PPARA: variants seen among roughly 807,000 people sequenced by gnomAD.
PPARA encodes the protein peroxisome proliferator activated receptor alpha, also known as peroxisome proliferator-activated receptor alpha.
PPARA carries 22 observed loss-of-function variants against 42.2 expected under a neutral mutation model. The observed-to-expected ratio is 0.52, with a 90% CI of 0.37 to 0.74. PPARA has a LOEUF of 0.74. Among genes scored for constraint, PPARA ranks in the 30% least tolerant of loss-of-function variants. The pLI, the probability that PPARA is intolerant of heterozygous loss-of-function variation, is 0.00. For synonymous variants in PPARA, 242 were observed against 239.3 expected (o/e 1.01, Z -0.10); for missense variants, 465 against 608.2 (o/e 0.76, Z 2.48).
In PPARA at chr22:46,221,438, C is replaced by G. The variant is rs1934994237; in HGVS notation, c.711+1424C>G. Among the ~76,000 whole-genome samples, 1 of 152,232 alleles carries G rather than the reference C, an allele frequency of 6.6e-6. No homozygotes were observed. The highest frequency in any genetic ancestry group is 2.1e-4 in the South Asian group (1 of 4,834). The stretch of plus-strand genomic sequence containing the variant: ...TCTCCTAAAACTACTCCCTCCCTCT[C>G]AGACAAACATGCCTACATTCTTTTT... On this transcript the variant is annotated intron_variant, in intron 7 of 8. Transcript: ENST00000407236. This position sits in a 1 kb window ranked among gnomAD's most constrained non-coding sequence, Gnocchi z 5.9.
At chr22:46,228,497 C>T (rs1369314378) in intron 7 of PPARA, among the ~76,000 whole-genome samples, 1 of 152,154 alleles carries the variant, frequency 6.6e-6, no homozygotes, top group Non-Finnish European at 1.5e-5. Flanking sequence ...GATCACGCCA[C>T]TGCACTCCAG....
In PPARA at chr22:46,231,217, C is replaced by T. The variant is rs1935841543; in HGVS notation, c.712-575C>T. ...GGTTACAGGCACACACTATGCCTGG[C>T]TAATTTTTTTTTTTTTTTTGAGACG... On this transcript the variant is annotated intron_variant, in intron 7 of 8. Transcript: ENST00000407236. The surrounding 1 kb of genome is among the most constrained non-coding windows in gnomAD (Gnocchi z 7.7). 6.9e-6 allele frequency among the ~76,000 whole-genome samples: 1 copy of T among 144,656 alleles called. No homozygotes were observed. Among genetic ancestry groups the T allele is most frequent in the South Asian group, 2.2e-4 (1 of 4,590 alleles). 94.9% of individuals were successfully genotyped at this position (144,656 alleles called of 152,430 possible).
chr22:46,208,889 G>C (rs998428235), intron 4 of PPARA, among the ~76,000 whole-genome samples: 2 of 150,926 alleles, frequency 1.3e-5, no homozygotes, highest in Non-Finnish European at 2.9e-5. Context: ...TTTTAAGGCT[G>C]AATAGTATTC....
At chr22:46,217,670 A>G (rs1195445866) in intron 5 of PPARA, among the ~76,000 whole-genome samples, 6 of 152,250 alleles carry the variant, frequency 3.9e-5, no homozygotes, top group Non-Finnish European at 8.8e-5. Flanking sequence ...TTGGAAAACT[A>G]TAATTGTGTT....
At chr22:46,205,260 A>C (rs1388208138) in intron 4 of PPARA, among the ~76,000 whole-genome samples, 1 of 151,506 alleles carries the variant, frequency 6.6e-6, no homozygotes, top group Non-Finnish European at 1.5e-5. Flanking sequence ...CCCTGAGCCC[A>C]GGCTGGAGTT....
In PPARA at chr22:46,182,066, G is replaced by C. The variant is rs902851128; in HGVS notation, c.-43+5230G>C. Among the ~76,000 whole-genome samples the C allele has an allele frequency of 6.6e-6, 1 of 152,158 alleles. No individual in the cohort carries two copies. The highest frequency in any genetic ancestry group is 1.5e-5 in the Non-Finnish European group (1 of 68,024). On this transcript the variant is annotated intron_variant, in intron 3 of 8. Coordinates refer to ENST00000407236, the MANE Select transcript of PPARA (RefSeq NM_005036.6). This position sits in a 1 kb window ranked among gnomAD's most constrained non-coding sequence, Gnocchi z 5.2. ...TTGCCACATTGGCCAGGCTGGTCTTGAACTCCTGACCTCAGACAGTCTGCC... is the reference window on the plus strand; with the variant it reads ...TTGCCACATTGGCCAGGCTGGTCTTCAACTCCTGACCTCAGACAGTCTGCC...
At chr22:46,172,340 AC>A (rs1254351793) in intron 2 of PPARA, among the ~76,000 whole-genome samples, 3 of 148,378 alleles carry the variant, frequency 2.0e-5, no homozygotes, top group African/African-American at 2.5e-5. Context: ...AAAAAAAAAA[AC>A]AGCATTGGGC....
At position 46,204,353 on chromosome 22, in the gene PPARA, T is replaced by C. The variant is rs1351186357; in HGVS notation, c.208+5762T>C. Among the ~76,000 whole-genome samples, 1 of 152,258 alleles carries C rather than the reference T, an allele frequency of 6.6e-6. No individual in the cohort carries two copies. The highest frequency in any genetic ancestry group is 1.5e-5 in the Non-Finnish European group (1 of 68,050). On this transcript the variant is annotated intron_variant, in intron 4 of 8. Transcript: ENST00000407236. The surrounding 1 kb of genome is among the most constrained non-coding windows in gnomAD (Gnocchi z 5.2). The stretch of plus-strand genomic sequence containing the variant: ...ACCCTCTGCTTTCATTTCTTTTGAA[T>C]AAATACCTAGGAGTATGACGGCTGG...
At position 46,200,836 on chromosome 22, in the gene PPARA, A is replaced by G. The variant is rs142237213; in HGVS notation, c.208+2245A>G. ...TACTCAGGAGGCTGAGGCAGGGAGAATTGCTTGAACCCAGGAGGCAGAGGT... is the reference window on the plus strand; with the variant it reads ...TACTCAGGAGGCTGAGGCAGGGAGAGTTGCTTGAACCCAGGAGGCAGAGGT... On this transcript the variant is annotated intron_variant, in intron 4 of 8. Coordinates refer to ENST00000407236, the MANE Select transcript of PPARA (RefSeq NM_005036.6). This position sits in a 1 kb window ranked among gnomAD's most constrained non-coding sequence, Gnocchi z 4.8. 6.6e-6 allele frequency among the ~76,000 whole-genome samples: 1 copy of G among 152,038 alleles called. No homozygotes were observed. The highest frequency in any genetic ancestry group is 1.5e-5 in the Non-Finnish European group (1 of 67,990).
rs60894989 is a variant in PPARA at position 46,217,819 on chromosome 22, C to CTTTTTTTTTTTTTTT, written c.370-429_370-415dup. ...GACTTCTTAGAAGAACTATTTCTTT[C>CTTTTTTTTTTTTTTT]TTTTTTTTTTTTTTTTTTTTTTTTT... On this transcript the variant is annotated intron_variant, in intron 5 of 8. Transcript: ENST00000407236. 3.4e-4 allele frequency among the ~76,000 whole-genome samples: 26 copies of CTTTTTTTTTTTTTTT among 77,056 alleles called. 5 individuals carry two copies. The highest frequency in any genetic ancestry group is 1.5e-3 in the African/African-American group (24 of 16,190). 50.6% of individuals were successfully genotyped at this position (77,056 alleles called of 152,430 possible). A position where few individuals can be genotyped will look rare whatever the true frequency, so the allele number is the denominator to read the frequency against.
Position 46,239,150 on chromosome 22 carries a change from G to A in PPARA, c.*3770G>A, listed in dbSNP as rs1569260574. On this transcript the variant is annotated 3_prime_UTR_variant, in exon 9 of 9. Coordinates refer to ENST00000407236, the MANE Select transcript of PPARA (RefSeq NM_005036.6). ...TGTTTCGCATTTAGAGAGCAGACAA[G>A]GCACCCTTCTGCTGCGCTGATACGT... 1 of 152,110 alleles carries A rather than the reference G, an allele frequency of 6.6e-6. No individual in the cohort carries two copies. Among genetic ancestry groups the A allele is most frequent in the African/African-American group, 2.4e-5 (1 of 41,406 alleles). The allele number at this position is 152,110 out of a possible 1,614,324, so 9.4% of individuals were successfully genotyped here. A position where few individuals can be genotyped will look rare whatever the true frequency, so the allele number is the denominator to read the frequency against.
At position 46,227,339 on chromosome 22, in the gene PPARA, C is replaced by A. The variant is rs7291727; in HGVS notation, c.712-4453C>A. Among the ~76,000 whole-genome samples the A allele has an allele frequency of 6.6e-6, 1 of 152,028 alleles. No homozygotes were observed. The highest frequency in any genetic ancestry group is 2.4e-5 in the African/African-American group (1 of 41,312). ...CAATCTCAGCTCACTGCAACCTCCC[C>A]CTCCTGGGTTCAAGCGATTCTCCTG... On this transcript the variant is annotated intron_variant, in intron 7 of 8. Coordinates refer to ENST00000407236, the MANE Select transcript of PPARA (RefSeq NM_005036.6). The surrounding 1 kb of genome is among the most constrained non-coding windows in gnomAD (Gnocchi z 4.3).
chr22:46,199,815 C>T (rs535073743), intron 4 of PPARA, among the ~76,000 whole-genome samples: 5 of 152,214 alleles, frequency 3.3e-5, no homozygotes, highest in Middle Eastern at 3.4e-3. Flanking sequence ...GTCCATCTTC[C>T]GAGCTCAAGC....
Position 46,163,773 on chromosome 22 carries a change from G to A in PPARA, c.-127+11803G>A, listed in dbSNP as rs1173658640. 6.6e-6 allele frequency: 1 copy of A among 152,240 alleles called. No homozygotes were observed. The highest frequency in any genetic ancestry group is 6.5e-5 in the Admixed American group (1 of 15,282). The allele number at this position is 152,240 out of a possible 1,614,324, so 9.4% of individuals were successfully genotyped here. On this transcript the variant is annotated intron_variant, in intron 2 of 8. Coordinates refer to ENST00000407236, the MANE Select transcript of PPARA (RefSeq NM_005036.6). The surrounding 1 kb of genome is among the most constrained non-coding windows in gnomAD (Gnocchi z 4.9). ...GTGAAAGCAGGGCTGGCTCCCTGAT[G>A]TCCTTGGAGAAGTCGCCCACACTGC...
At chr22:46,152,320 G>A (rs1924570241) in intron 2 of PPARA, among the ~76,000 whole-genome samples, 1 of 151,860 alleles carries the variant, frequency 6.6e-6, no homozygotes, top group African/African-American at 2.4e-5. Context: ...TGTAGTTTTA[G>A]TAGAGGCGGG....
intron 3 of PPARA, among the ~76,000 whole-genome samples, chr22:46,181,128 G>A (rs1312033882): frequency 3.3e-5 from 5 of 152,148 alleles, no homozygotes; most frequent in South Asian, 2.1e-4. Context: ...CACCTTAGCC[G>A]ATGCAGGACA....
rs1172801438 is a variant in PPARA at position 46,150,875 on chromosome 22, G to A, written c.-210+223G>A. The A allele has an allele frequency of 7.2e-6, 1 of 139,528 alleles. No individual in the cohort carries two copies. The highest frequency in any genetic ancestry group is 1.6e-5 in the Non-Finnish European group (1 of 61,824). The allele number at this position is 139,528 out of a possible 1,614,324, so 8.6% of individuals were successfully genotyped here. On this transcript the variant is annotated intron_variant, in intron 1 of 8. Transcript: ENST00000407236. The surrounding 1 kb of genome is among the most constrained non-coding windows in gnomAD (Gnocchi z 7.5). ...GCGAGGAGCGAGGACACACACCGAG[G>A]ACTCTTGCGAGGGATCTCGGGGCCC...
rs1927960047 is a variant in PPARA at position 46,171,086 on chromosome 22, A to C, written c.-126-5667A>C. Among the ~76,000 whole-genome samples, 1 of 152,056 alleles carries C rather than the reference A, an allele frequency of 6.6e-6. No individual in the cohort carries two copies. The highest frequency in any genetic ancestry group is 2.1e-4 in the South Asian group (1 of 4,822). The stretch of plus-strand genomic sequence containing the variant: ...TGAGGCAGGAGAATTGCTTGAGCCC[A>C]GGAGGCAGAGATCGCAGTGAGCCAA... On this transcript the variant is annotated intron_variant, in intron 2 of 8. Transcript: ENST00000407236. This position sits in a 1 kb window ranked among gnomAD's most constrained non-coding sequence, Gnocchi z 5.0.
chr22:46,197,409 G>A (rs751482500), intron 3 of PPARA, among the ~76,000 whole-genome samples: 2 of 152,204 alleles, frequency 1.3e-5, no homozygotes, highest in Admixed American at 6.5e-5. Flanking sequence ...GTACGGAGCT[G>A]CGACAGCTGC....
Sources: gnomAD v4.1 joint callset for allele counts (sites outside exome capture counted in the v4.1 genomes callset) on GRCh38, gnomAD v4.1.1 for gene constraint, Gnocchi (gnomAD v3.1) non-coding constraint, MANE v1.5 for transcripts, NCBI Gene and HGNC (gene_info 2026-07-23, HGNC 2026-07-21) for gene names.